Variants in MCC observed in about 807,000 individuals in gnomAD.
The protein encoded by MCC is colorectal mutant cancer protein.
Under a neutral mutation model 116.2 loss-of-function variants are expected in MCC, and 90 were observed. The ratio of observed to expected loss-of-function variants is 0.77; its 90% CI spans 0.65 to 0.92. MCC has a LOEUF of 0.92. Among genes scored for constraint, MCC ranks in the 40% least tolerant of loss-of-function variants. MCC has a pLI of 0.00. For synonymous variants in MCC, 578 were observed against 510.5 expected, an observed-to-expected ratio of 1.13 and a Z score of -1.78; for missense variants, 1,516 against 1,312.2, an observed-to-expected ratio of 1.16 and a Z score of -2.40.
intron 3 of MCC, among the ~76,000 whole-genome samples, chr5:113,333,441 G>T (rs1037813867): frequency 6.6e-6 from 1 of 151,590 alleles, no homozygotes; most frequent in African/African-American, 2.4e-5. Context: ...AGCAAAACTT[G>T]CTATGTCAGT....
At chr5:113,361,604 G>A (rs1581427158) in intron 2 of MCC, among the ~76,000 whole-genome samples, 2 of 152,172 alleles carry the variant, frequency 1.3e-5, no homozygotes, top group East Asian at 3.8e-4. Flanking sequence ...CTGGTTAAGG[G>A]ATACCCAGAT....
At chr5:113,357,143 C>T (rs951632802) in intron 2 of MCC, among the ~76,000 whole-genome samples, 2 of 152,130 alleles carry the variant, frequency 1.3e-5, no homozygotes, top group African/African-American at 4.8e-5. Context: ...ATAAAGTGTA[C>T]TTTCATGAGG....
intron 3 of MCC, among the ~76,000 whole-genome samples, chr5:113,289,089 T>C (rs936559172): frequency 2.6e-5 from 4 of 151,940 alleles, no homozygotes; most frequent in Admixed American, 1.3e-4. Flanking sequence ...TCCCAACACT[T>C]TGGGAGGCTG....
chr5:113,334,097 A>G (rs901178065), intron 3 of MCC, among the ~76,000 whole-genome samples: 3 of 148,016 alleles, frequency 2.0e-5, no homozygotes, highest in Non-Finnish European at 4.4e-5. Flanking sequence ...TAGCTGACAG[A>G]ATCTATCTAG....
intron 9 of MCC, 57 bp from the exon 10 acceptor site, chr5:113,084,247 G>A (rs1755051005): frequency 7.4e-7 from 1 of 1,348,376 alleles, no homozygotes; most frequent in Non-Finnish European, 1.1e-6. Context: ...CAGATAAACT[G>A]TTGGGACTAC....
At chr5:113,201,747 A>C (rs1332309237) in intron 3 of MCC, among the ~76,000 whole-genome samples, 1 of 152,216 alleles carries the variant, frequency 6.6e-6, no homozygotes, top group Non-Finnish European at 1.5e-5. Flanking sequence ...GTAAAGGTTC[A>C]TTAATGCCCA....
At chr5:113,072,383 G>A (rs529830885) in intron 11 of MCC, among the ~76,000 whole-genome samples, 1 of 152,262 alleles carries the variant, frequency 6.6e-6, no homozygotes, top group South Asian at 2.1e-4. Flanking sequence ...TTCTGCCCCT[G>A]TTCACATTAA....
At chr5:113,272,460 A>G (rs934569609) in intron 3 of MCC, among the ~76,000 whole-genome samples, 1 of 152,256 alleles carries the variant, frequency 6.6e-6, no homozygotes, top group Non-Finnish European at 1.5e-5. Context: ...AAATAAAAAA[A>G]TAAGCAATTT....
intron 3 of MCC, among the ~76,000 whole-genome samples, chr5:113,168,726 A>G (rs1023345146): frequency 6.6e-6 from 1 of 152,118 alleles, no homozygotes; most frequent in Non-Finnish European, 1.5e-5. Flanking sequence ...TTTTTAATTA[A>G]GCCCTCCTAG....
chr5:113,118,425 T>C (rs1757519782), intron 6 of MCC, among the ~76,000 whole-genome samples: 1 of 152,218 alleles, frequency 6.6e-6, no homozygotes, highest in Non-Finnish European at 1.5e-5. Context: ...GCTTAGTAAG[T>C]CAAAGCACTT....
At chr5:113,340,305 T>G (rs901015242) in intron 3 of MCC, among the ~76,000 whole-genome samples, 1 of 152,140 alleles carries the variant, frequency 6.6e-6, no homozygotes. Context: ...CAAAACACCT[T>G]TTAGGAGTCT....
intron 3 of MCC, among the ~76,000 whole-genome samples, chr5:113,154,156 G>T (rs779028159): frequency 6.6e-6 from 1 of 152,120 alleles, no homozygotes; most frequent in South Asian, 2.1e-4. Flanking sequence ...ATTTTTTCCT[G>T]AGTTATTTCT....
intron 17 of MCC, among the ~76,000 whole-genome samples, chr5:113,033,969 C>G (rs1010571890): frequency 3.3e-5 from 5 of 152,202 alleles, no homozygotes; most frequent in African/African-American, 1.2e-4. Context: ...TCACTGCAGC[C>G]TCGACCTCCC....
chr5:113,270,079 G>GGT (rs1313382764), intron 3 of MCC, among the ~76,000 whole-genome samples: 2 of 152,096 alleles, frequency 1.3e-5, no homozygotes, highest in African/African-American at 4.8e-5. Flanking sequence ...TTTACAACAG[G>GGT]GTGTAGGATG....
chr5:113,165,787 T>C (rs1760737129), intron 3 of MCC, among the ~76,000 whole-genome samples: 1 of 152,188 alleles, frequency 6.6e-6, no homozygotes, highest in South Asian at 2.1e-4. Flanking sequence ...CCAGACCTAA[T>C]GGTAATAGAA....
chr5:113,155,975 T>G (rs549148026), intron 3 of MCC, among the ~76,000 whole-genome samples: 3 of 152,332 alleles, frequency 2.0e-5, no homozygotes, highest in Admixed American at 1.3e-4. Context: ...AAAATCTTTT[T>G]GAGAGGGCAC....
chr5:113,333,733 C>T (rs904434462), intron 3 of MCC, among the ~76,000 whole-genome samples: 4 of 121,542 alleles, frequency 3.3e-5, no homozygotes, highest in African/African-American at 1.1e-4. Flanking sequence ...CCACAGATAG[C>T]TGGTATGTTA....
intron 3 of MCC, among the ~76,000 whole-genome samples, chr5:113,290,680 A>T (rs1766458929): frequency 6.6e-6 from 1 of 152,252 alleles, no homozygotes; most frequent in African/African-American, 2.4e-5. Flanking sequence ...CTAACTGCTG[A>T]TCTAAAAGTC....
At chr5:113,150,416 C>G (rs1477160833) in intron 4 of MCC, among the ~76,000 whole-genome samples, 1 of 151,968 alleles carries the variant, frequency 6.6e-6, no homozygotes, top group African/African-American at 2.4e-5. Context: ...CAACACAGAA[C>G]AAAAACAAAA....
Sources: gnomAD v4.1 joint callset for allele counts (sites outside exome capture counted in the v4.1 genomes callset) on GRCh38, gnomAD v4.1.1 for gene constraint, MANE v1.5 for transcripts, NCBI Gene and HGNC (gene_info 2026-07-23, HGNC 2026-07-21) for gene names.